LAMA1: variants seen among roughly 807,000 people sequenced by gnomAD.
The protein encoded by LAMA1 is laminin subunit alpha-1.
A neutral mutation model predicts 348.7 loss-of-function variants in LAMA1; 219 were observed. The observed-to-expected ratio is 0.63, with a 90% CI of 0.56 to 0.70. The LOEUF (loss-of-function observed/expected upper bound fraction) is 0.70. LAMA1 is among the 30% of genes least tolerant of loss of function. LAMA1 has a pLI of 0.00. For missense variants in LAMA1, 3,744 were observed against 3,888.0 expected (o/e 0.96, Z 0.99); for synonymous variants, 1,487 against 1,491.0 (o/e 1.00, Z 0.06).
rs146125302 is a variant in LAMA1, at chr18:6,965,415, G to C, written c.7068C>G (p.Ile2356Met). 6.2e-7 allele frequency: 1 copy of C among 1,614,082 alleles called. No individual in the cohort carries two copies. Among genetic ancestry groups the C allele is most frequent in the Non-Finnish European group, 8.5e-7 (1 of 1,180,006 alleles). Residue 2356 changes from isoleucine to methionine, a missense_variant, in exon 50 of 63, where the codon ATC becomes ATG. This residue lies in a region of LAMA1 where 1,983 missense variants were observed against 1,934.3 expected (regional missense o/e 1.03). Transcript: ENST00000389658. ...CCTTCACTCTGCCACGAAACAGCTC[G>C]ATGGATAAAAAGTCTTTCTGTAAAA... ...GSYGTKDFLS[I>M]ELFRGRVKVM... is the part of the protein sequence containing the mutation.
Position 6,952,825 on chromosome 18 carries a change from G to A in LAMA1, c.8208-1854C>T, listed in dbSNP as rs945308991. On this transcript the variant is annotated intron_variant, in intron 57 of 62. Transcript: ENST00000389658. ...GAGCCATGTCTGCCCGTGTCCAGTG[G>A]ATCCACGCCATAGGAGCCATGTCTG... Among the ~76,000 whole-genome samples the A allele has an allele frequency of 4.7e-5, 7 of 149,236 alleles. No individual in the cohort carries two copies. The South Asian group carries it at 6.3e-4, about 13-fold the overall frequency.
intron 55 of LAMA1, 172 bp from the exon 56 acceptor site, chr18:6,956,937 C>T (rs1399148292): frequency 2.9e-6 from 2 of 689,358 alleles, no homozygotes; most frequent in Non-Finnish European, 5.0e-6. Flanking sequence ...AACATGCTAT[C>T]TTAATATTTC....
chr18:6,991,822 T>C (rs1291596963), intron 36 of LAMA1, among the ~76,000 whole-genome samples: 1 of 152,228 alleles, frequency 6.6e-6, no homozygotes, highest in East Asian at 1.9e-4. Context: ...AAGAAGTCCC[T>C]CACAACATAA....
chr18:7,098,873 G>T lies in LAMA1; in HGVS notation c.62-18416C>A, dbSNP rs1318410334. The stretch of plus-strand genomic sequence containing the variant: ...GGGTCAGCCCCCCGCCCGGCCAGCC[G>T]CCCCGTCCGGGAGGTGAGGGGCGCC... On this transcript the variant is annotated intron_variant, in intron 1 of 62. Transcript: ENST00000389658. Among the ~76,000 whole-genome samples the T allele has an allele frequency of 2.6e-5, 3 of 117,426 alleles. No individual in the cohort carries two copies. In the East Asian group the frequency reaches 8.2e-4, roughly 32 times the overall value. 77.0% of individuals were successfully genotyped at this position (117,426 alleles called of 152,430 possible). A position where few individuals can be genotyped will look rare whatever the true frequency, so the allele number is the denominator to read the frequency against.
Position 7,042,259 on chromosome 18 carries a change from CAG to C in LAMA1, c.1156-11_1156-10del. ...TCCTCATAAGGAGACACCTGAAAGG[CAG>C]AGGTTGCCCTGGATTCTCTTACTAG... is the stretch of plus-strand genomic sequence containing the variant. On this transcript the variant is annotated splice_polypyrimidine_tract_variant and intron_variant, in intron 8 of 62. Coordinates refer to ENST00000389658, the MANE Select transcript of LAMA1 (RefSeq NM_005559.4). The C allele has an allele frequency of 6.5e-7, 1 of 1,548,620 alleles. No homozygotes were observed. The highest frequency in any genetic ancestry group is 8.9e-7 in the Non-Finnish European group (1 of 1,123,764).
At position 7,068,895 on chromosome 18, in the gene LAMA1, A is replaced by AGGG. The variant is rs1274586377; in HGVS notation, c.345+11079_345+11080insCCC. On this transcript the variant is annotated intron_variant, in intron 3 of 62. Coordinates refer to ENST00000389658, the MANE Select transcript of LAMA1 (RefSeq NM_005559.4). ...CTTACCCCTTTTTTTCAGCTTCAAT[A>AGGG]TAATGGAAGAAATAATTTCAGAACG... Among the ~76,000 whole-genome samples, 699 of 151,986 alleles carry AGGG rather than the reference A, an allele frequency of 4.6e-3. 9 individuals carry two copies. Among genetic ancestry groups the AGGG allele is most frequent in the African/African-American group, 0.016 (675 of 41,264 alleles).
At chr18:7,034,830 G>A (rs900422914) in intron 13 of LAMA1, 140 bp from the exon 14 acceptor site, 12 of 680,150 alleles carry the variant, frequency 1.8e-5, no homozygotes, top group Non-Finnish European at 2.7e-5. Flanking sequence ...GGTGTGTACA[G>A]CTCTTGGCCC....
At chr18:7,032,278 G>A (rs1221742746) in intron 15 of LAMA1, 102 bp from the exon 16 acceptor site, 1 of 756,506 alleles carries the variant, frequency 1.3e-6, no homozygotes, top group African/African-American at 1.7e-5. Context: ...CATCTTAACT[G>A]AGGTATCATT....
At chr18:7,108,531 G>T (rs2058323058) in intron 1 of LAMA1, among the ~76,000 whole-genome samples, 1 of 146,518 alleles carries the variant, frequency 6.8e-6, no homozygotes, top group South Asian at 2.2e-4. Flanking sequence ...TGTGGTGGCA[G>T]GCCATTCCCA....
intron 19 of LAMA1, among the ~76,000 whole-genome samples, chr18:7,019,319 G>T (rs1423802595): frequency 1.3e-5 from 2 of 152,054 alleles, no homozygotes; most frequent in Non-Finnish European, 2.9e-5. Context: ...TCTTCCTGTG[G>T]TATTTGGGAC....
chr18:7,020,286 G>A (rs1032560215), intron 19 of LAMA1, among the ~76,000 whole-genome samples: 6 of 152,112 alleles, frequency 3.9e-5, no homozygotes, highest in Non-Finnish European at 5.9e-5. Flanking sequence ...TGAACCTGAC[G>A]ATCAGTTTCT....
chr18:6,977,432 A>T (rs2057687567), intron 44 of LAMA1, among the ~76,000 whole-genome samples: 1 of 152,258 alleles, frequency 6.6e-6, no homozygotes, highest in Non-Finnish European at 1.5e-5. Flanking sequence ...CGCACTGTCC[A>T]GGCTAATAGT....
chr18:7,023,515 C>A (rs1336349464), intron 18 of LAMA1, 140 bp from the exon 19 acceptor site: 4 of 752,370 alleles, frequency 5.3e-6, no homozygotes, highest in Non-Finnish European at 9.2e-6. Context: ...TATGACTCCC[C>A]ACTCGGGCAT....
chr18:7,100,079 A>AAAAAAAAAC, intron 1 of LAMA1, among the ~76,000 whole-genome samples: 1 of 150,460 alleles, frequency 6.6e-6, no homozygotes, highest in Non-Finnish European at 1.5e-5. Flanking sequence ...AAAAAAAAAA[A>AAAAAAAAAC]AAAGACAAGC....
intron 36 of LAMA1, 100 bp downstream of exon 36, chr18:6,992,461 G>A (rs2057762925): frequency 7.6e-7 from 1 of 1,319,278 alleles, no homozygotes; most frequent in Non-Finnish European, 1.1e-6. Flanking sequence ...TTCATTTCCA[G>A]TGAGCACTTT....
At chr18:7,095,560 T>C (rs916918045) in intron 1 of LAMA1, among the ~76,000 whole-genome samples, 3 of 152,158 alleles carry the variant, frequency 2.0e-5, no homozygotes, top group African/African-American at 7.2e-5. Context: ...AGGGCCTCAT[T>C]GGTTTCCAGG....
intron 1 of LAMA1, among the ~76,000 whole-genome samples, chr18:7,108,087 C>A (rs1038670977): frequency 3.5e-5 from 5 of 144,088 alleles, no homozygotes; most frequent in Admixed American, 3.4e-4. Context: ...CCTCTAATCC[C>A]AGCACTTTGG....
At chr18:7,048,332 T>G (rs1459760591) in intron 5 of LAMA1, among the ~76,000 whole-genome samples, 1 of 152,174 alleles carries the variant, frequency 6.6e-6, no homozygotes. Context: ...AAATGACTGA[T>G]AGCACTAAAT....
chr18:7,104,408 C>A (rs375638759), intron 1 of LAMA1, among the ~76,000 whole-genome samples: 1 of 152,158 alleles, frequency 6.6e-6, no homozygotes, highest in East Asian at 1.9e-4. Flanking sequence ...ACTCTCGGCC[C>A]TTAAGGAGAG....
Sources: allele counts gnomAD v4.1 joint callset (sites outside exome capture counted in the v4.1 genomes callset), GRCh38; gene constraint gnomAD v4.1.1; regional missense constraint gnomAD v4.1.1; transcripts MANE v1.5; gene names NCBI Gene and HGNC (gene_info 2026-07-23, HGNC 2026-07-21).